Variants in CSMD1 observed in about 807,000 individuals in gnomAD.
CSMD1 encodes the protein CUB and sushi domain-containing protein 1.
CSMD1 carries 213 observed loss-of-function variants against 417.5 expected under a neutral mutation model. The observed-to-expected ratio is 0.51, with a 90% CI of 0.46 to 0.57. The LOEUF is 0.57. CSMD1 is among the 20% of genes least tolerant of loss of function. The pLI is 0.00. For missense variants in CSMD1, 6,923 were observed against 4,529.7 expected, an observed-to-expected ratio of 1.53 and a Z score of -15.17; for synonymous variants, 2,862 against 1,736.8, an observed-to-expected ratio of 1.65 and a Z score of -16.11.
chr8:3,970,745 GTTTTTTGT>G (rs1813023701), intron 5 of CSMD1, among the ~76,000 whole-genome samples: 1 of 151,922 alleles, frequency 6.6e-6, no homozygotes, highest in African/African-American at 2.4e-5. Flanking sequence ...ATGGCATCTT[GTTTTTTGT>G]TTTTTTGTTT....
intron 12 of CSMD1, among the ~76,000 whole-genome samples, chr8:3,441,333 G>C (rs572355401): frequency 4.6e-5 from 7 of 152,132 alleles, no homozygotes; most frequent in Non-Finnish European, 1.0e-4. Context: ...ACTAATAGGG[G>C]TGTTGAATTT....
rs1219177242 is a variant in CSMD1, at chr8:2,999,886, T to G, written c.8203+72A>C. On this transcript the variant is annotated intron_variant, in intron 53 of 69. Coordinates refer to ENST00000635120, the MANE Select transcript of CSMD1 (RefSeq NM_033225.6). ...CAGTGAAGATTAAACAGGTGTATAT[T>G]GTGACCTAATAACAAAAGACAATGT... is the stretch of plus-strand genomic sequence containing the variant. 12 of 1,373,494 alleles carry G rather than the reference T, an allele frequency of 8.7e-6. No individual in the cohort carries two copies. In the East Asian group the frequency reaches 2.6e-4, roughly 30 times the overall value. The allele number at this position is 1,373,494 out of a possible 1,614,324, so 85.1% of individuals were successfully genotyped here.
chr8:3,692,517 C>G (rs1302157018), intron 7 of CSMD1, among the ~76,000 whole-genome samples: 1 of 151,938 alleles, frequency 6.6e-6, no homozygotes, highest in Non-Finnish European at 1.5e-5. Context: ...TATCGGCTCA[C>G]TACAACCTTC....
At chr8:3,909,861 T>C (rs1248360464) in intron 5 of CSMD1, among the ~76,000 whole-genome samples, 1 of 152,140 alleles carries the variant, frequency 6.6e-6, no homozygotes, top group African/African-American at 2.4e-5. Context: ...TGTATACAAG[T>C]TGATGGAATG....
chr8:4,876,266 C>T (rs1388869825), intron 1 of CSMD1, among the ~76,000 whole-genome samples: 1 of 152,040 alleles, frequency 6.6e-6, no homozygotes, highest in Non-Finnish European at 1.5e-5. Flanking sequence ...CCCTCCATGA[C>T]AATTCATATG....
At chr8:4,771,502 A>G (rs1177354588) in intron 1 of CSMD1, among the ~76,000 whole-genome samples, 3 of 152,228 alleles carry the variant, frequency 2.0e-5, no homozygotes, top group Non-Finnish European at 2.9e-5. Flanking sequence ...GTTATGCTGC[A>G]TTACTGATTC....
In CSMD1 at chr8:3,264,268, C is replaced by T. The variant is rs377581940; in HGVS notation, c.4153+19876G>A. Among the ~76,000 whole-genome samples, 9 of 152,126 alleles carry T rather than the reference C, an allele frequency of 5.9e-5. No individual in the cohort carries two copies. The East Asian group carries it at 1.5e-3, about 26-fold the overall frequency. ...CCAGTTCTTTATTAACAATAAGTAC[C>T]TGGTTTGGAATTTCATTATGTTATG... On this transcript the variant is annotated intron_variant, in intron 26 of 69. Coordinates refer to ENST00000635120, the MANE Select transcript of CSMD1 (RefSeq NM_033225.6).
chr8:4,432,446 G>C (rs1353580622), intron 2 of CSMD1, among the ~76,000 whole-genome samples: 2 of 152,098 alleles, frequency 1.3e-5, no homozygotes, highest in Non-Finnish European at 2.9e-5. Flanking sequence ...AAAAGAAATG[G>C]ACTAATGACA....
chr8:3,401,437 G>A (rs1285161038), intron 15 of CSMD1, among the ~76,000 whole-genome samples: 2 of 152,038 alleles, frequency 1.3e-5, no homozygotes, highest in Non-Finnish European at 2.9e-5. Flanking sequence ...AACCTGAATT[G>A]CTTTATCCTG....
intron 3 of CSMD1, among the ~76,000 whole-genome samples, chr8:4,128,640 G>C (rs921533486): frequency 5.3e-5 from 8 of 152,028 alleles, no homozygotes; most frequent in South Asian, 2.1e-4. Flanking sequence ...TGAAGCTTTA[G>C]CTCTCCACAT....
At chr8:4,112,166 G>C (rs985241568) in intron 3 of CSMD1, among the ~76,000 whole-genome samples, 2 of 152,134 alleles carry the variant, frequency 1.3e-5, no homozygotes, top group Admixed American at 6.5e-5. Flanking sequence ...AAAAGAGCTG[G>C]GCAGTCTATA....
intron 2 of CSMD1, among the ~76,000 whole-genome samples, chr8:4,592,408 G>A (rs1283755755): frequency 2.0e-5 from 3 of 151,610 alleles, no homozygotes; most frequent in Non-Finnish European, 4.4e-5. Context: ...TGTTTTTGAG[G>A]TGGAGTCTTA....
intron 27 of CSMD1, among the ~76,000 whole-genome samples, chr8:3,226,196 GC>G (rs1460604805): frequency 6.6e-6 from 1 of 152,124 alleles, no homozygotes; most frequent in Non-Finnish European, 1.5e-5. Flanking sequence ...ATACATTTTG[GC>G]TTTTCAGAGT....
In CSMD1 at chr8:4,073,251, G is replaced by C. The variant is rs186982936; in HGVS notation, c.416-41152C>G. Among the ~76,000 whole-genome samples the C allele has an allele frequency of 4.6e-3, 704 of 152,248 alleles. 7 individuals are homozygous for C. Among genetic ancestry groups the C allele is most frequent in the South Asian group, 0.025 (121 of 4,832 alleles). On this transcript the variant is annotated intron_variant, in intron 3 of 69. Transcript: ENST00000635120. ...AAGCAATAGGTGCATTAAATGATGA[G>C]AAGGTAAAAATAGGCCAAAATTAGA...
At chr8:4,826,660 G>C (rs560850672) in intron 1 of CSMD1, among the ~76,000 whole-genome samples, 3 of 152,078 alleles carry the variant, frequency 2.0e-5, no homozygotes, top group African/African-American at 4.8e-5. Context: ...TCACTCTCAT[G>C]TGTAGCTTTC....
chr8:4,143,342 G>C (rs1409273632), intron 3 of CSMD1, among the ~76,000 whole-genome samples: 1 of 146,474 alleles, frequency 6.8e-6, no homozygotes, highest in Non-Finnish European at 1.5e-5. Flanking sequence ...CTGATTCATG[G>C]GCTGCTGAAA....
At chr8:3,340,905 C>A (rs778437142) in intron 23 of CSMD1, among the ~76,000 whole-genome samples, 1 of 152,102 alleles carries the variant, frequency 6.6e-6, no homozygotes, top group Non-Finnish European at 1.5e-5. Context: ...GAAAATTACT[C>A]CTGTCAAATT....
intron 3 of CSMD1, among the ~76,000 whole-genome samples, chr8:4,232,016 T>C (rs1208361642): frequency 1.3e-5 from 2 of 152,214 alleles, no homozygotes; most frequent in East Asian, 3.8e-4. Context: ...ACATAGGACG[T>C]AAGTATGAAA....
At chr8:3,235,916 G>GTTTTTTTTTTTTTTTT (rs11414439) in intron 26 of CSMD1, among the ~76,000 whole-genome samples, 24 of 119,344 alleles carry the variant, frequency 2.0e-4, no homozygotes, top group East Asian at 7.8e-4. Flanking sequence ...GAAGATGTAA[G>GTTTTTTTTTTTTTTTT]TTTTTTTTTT....
Sources: allele counts gnomAD v4.1 joint callset (sites outside exome capture counted in the v4.1 genomes callset), GRCh38; gene constraint gnomAD v4.1.1; transcripts MANE v1.5; gene names NCBI Gene and HGNC (gene_info 2026-07-23, HGNC 2026-07-21).